EBF4: variants seen among roughly 807,000 people sequenced by gnomAD.
EBF4 encodes the protein EBF transcription factor 4.
In EBF4, 34 loss-of-function variants were observed where a neutral mutation model predicts 67.1. The ratio of observed to expected loss-of-function variants is 0.51; its 90% CI spans 0.39 to 0.67. EBF4 has a LOEUF of 0.67. Ranked by LOEUF, EBF4 falls within the 30% of genes least tolerant of loss-of-function variation. The pLI is 0.00. For synonymous variants in EBF4, 387 were observed against 377.7 expected (o/e 1.02, Z -0.29); for missense variants, 837 against 873.3 (o/e 0.96, Z 0.52).
rs2088229080 is a variant in EBF4 at position 2,755,608 on chromosome 20, TCCCCG to T, written c.1541-8_1541-4del. 1.0e-4 allele frequency: 58 copies of T among 558,950 alleles called. No homozygotes were observed. Among genetic ancestry groups the T allele is most frequent in the Non-Finnish European group, 1.7e-4 (53 of 317,346 alleles). 34.6% of individuals were successfully genotyped at this position (558,950 alleles called of 1,614,324 possible). A position where few individuals can be genotyped will look rare whatever the true frequency, so the allele number is the denominator to read the frequency against. On this transcript the variant is annotated splice_polypyrimidine_tract_variant and intron_variant, in intron 14 of 16. Transcript: ENST00000609451. This position sits in a 1 kb window ranked among gnomAD's most constrained non-coding sequence, Gnocchi z 4.7. ...CCACCTTCCCTGCTGCGCCTGCCCC[TCCCCG>T]CCCCGCCCCGGAGTCATGCCCTCTA...
intron 6 of EBF4, among the ~76,000 whole-genome samples, chr20:2,725,403 C>A (rs2146433183): frequency 6.6e-6 from 1 of 152,036 alleles, no homozygotes; most frequent in Admixed American, 6.5e-5. Context: ...TTATTTAGAT[C>A]TTTTGCAATA....
At chr20:2,709,584 G>T in exon 6 of EBF4, 1 of 1,555,884 alleles carries the variant, frequency 6.4e-7, no homozygotes, top group Non-Finnish European at 8.7e-7. Flanking sequence ...CCGGTGCTGT[G>T]ACCGGAAGAG....
rs934522504 is a variant in EBF4 at position 2,751,819 on chromosome 20, G to A, written c.1107+31G>A. ...CAGAGGGGCGGGGCGGGGCGGGGCTGAGGGTGTCCTGTGGGCAAGGGGGTG... is the reference window on the plus strand; with the variant it reads ...CAGAGGGGCGGGGCGGGGCGGGGCTAAGGGTGTCCTGTGGGCAAGGGGGTG... On this transcript the variant is annotated intron_variant, in intron 11 of 16. Coordinates refer to ENST00000609451, the Ensembl canonical transcript of EBF4. This position sits in a 1 kb window ranked among gnomAD's most constrained non-coding sequence, Gnocchi z 5.2. The A allele has an allele frequency of 1.9e-6, 3 of 1,548,760 alleles. No individual in the cohort carries two copies. The highest frequency in any genetic ancestry group is 2.7e-5 in the African/African-American group (2 of 72,980).
chr20:2,725,488 G>A (rs1372144937), intron 6 of EBF4, among the ~76,000 whole-genome samples: 2 of 152,036 alleles, frequency 1.3e-5, no homozygotes, highest in East Asian at 3.9e-4. Flanking sequence ...TAAATGTTTT[G>A]TAGTTATTTT....
intron 6 of EBF4, 139 bp from the exon 7 acceptor site, chr20:2,748,410 G>A (rs1348224690): frequency 2.6e-6 from 2 of 754,734 alleles, no homozygotes. Context: ...GGCCATGATG[G>A]GAATATGGGA....
Position 2,709,426 on chromosome 20 carries a change from G to A in EBF4, c.489-148G>A, listed in dbSNP as rs2146394214. On this transcript the variant is annotated intron_variant, in intron 5 of 16. Transcript: ENST00000609451. ...CCACAGCCTTTCTCCCCCAAGCCCT[G>A]GGAGTGAGCCCCTCCAGCCCAGGGA... 5 of 648,420 alleles carry A rather than the reference G, an allele frequency of 7.7e-6. No homozygotes were observed. The East Asian group carries it at 1.6e-4, about 21-fold the overall frequency. The allele number at this position is 648,420 out of a possible 1,614,324, so 40.2% of individuals were successfully genotyped here.
chr20:2,720,512 AT>A (rs2087666543), intron 6 of EBF4, among the ~76,000 whole-genome samples: 3 of 151,536 alleles, frequency 2.0e-5, no homozygotes, highest in Admixed American at 6.6e-5. Context: ...AAAACTCTAT[AT>A]TTTGTTATTT....
At chr20:2,731,672 C>T (rs2087815596) in intron 6 of EBF4, among the ~76,000 whole-genome samples, 1 of 152,216 alleles carries the variant, frequency 6.6e-6, no homozygotes, top group Admixed American at 6.5e-5. Context: ...CTTCTACTGT[C>T]CTTCTTCCTA....
At chr20:2,737,118 CGG>C (rs368306940) in intron 6 of EBF4, among the ~76,000 whole-genome samples, 1 of 151,738 alleles carries the variant, frequency 6.6e-6, no homozygotes, top group African/African-American at 2.4e-5. Flanking sequence ...GGCGTGGTGG[CGG>C]GCGCCTGTAG....
chr20:2,704,686 C>A (rs7275043), intron 1 of EBF4, among the ~76,000 whole-genome samples: 1 of 152,076 alleles, frequency 6.6e-6, no homozygotes, highest in African/African-American at 2.4e-5. Flanking sequence ...TTTGCTTCTC[C>A]AGTTTTTTTG....
chr20:2,712,180 G>A (rs1372277832), intron 6 of EBF4, among the ~76,000 whole-genome samples: 1 of 152,190 alleles, frequency 6.6e-6, no homozygotes, highest in South Asian at 2.1e-4. Flanking sequence ...GGGGTGTTGA[G>A]AATGATAAGA....
At chr20:2,697,523 T>G (rs774440405) in intron 1 of EBF4, among the ~76,000 whole-genome samples, 1 of 146,472 alleles carries the variant, frequency 6.8e-6, no homozygotes, top group Admixed American at 6.8e-5. Context: ...CCAGCCTGGG[T>G]GACAGAGCGA....
chr20:2,709,481 C>T lies in EBF4; in HGVS notation c.489-93C>T, dbSNP rs2087509218. The T allele has an allele frequency of 4.8e-6, 6 of 1,237,662 alleles. No individual in the cohort carries two copies. In the East Asian group the frequency reaches 1.4e-4, roughly 28 times the overall value. 76.7% of individuals were successfully genotyped at this position (1,237,662 alleles called of 1,614,324 possible). ...ACACCCAGAGACAGGACATCAGCAC[C>T]CTCAGCTCAGGGCGCCCCCCACAAC... On this transcript the variant is annotated intron_variant, in intron 5 of 16. Coordinates refer to ENST00000609451, the Ensembl canonical transcript of EBF4.
chr20:2,697,453 G>T (rs2087310267), intron 1 of EBF4, among the ~76,000 whole-genome samples: 1 of 151,962 alleles, frequency 6.6e-6, no homozygotes, highest in African/African-American at 2.4e-5. Context: ...GCTGAGGCAG[G>T]AGAATGGCGT....
At chr20:2,703,377 A>C (rs967877625) in intron 1 of EBF4, among the ~76,000 whole-genome samples, 1 of 151,960 alleles carries the variant, frequency 6.6e-6, no homozygotes, top group African/African-American at 2.4e-5. Context: ...TCAAGGTTGC[A>C]GTGAGCTATG....
intron 5 of EBF4, 70 bp downstream of exon 5, chr20:2,708,090 G>C: frequency 6.8e-7 from 1 of 1,476,156 alleles, no homozygotes; most frequent in African/African-American, 1.4e-5. Flanking sequence ...CCCAGGCCCT[G>C]CCCCCTCGCC....
intron 15 of EBF4, among the ~76,000 whole-genome samples, chr20:2,757,030 G>A (rs567174715): frequency 2.8e-4 from 43 of 152,334 alleles, no homozygotes; most frequent in African/African-American, 8.7e-4. Context: ...TGTAGGGGCT[G>A]ATCAGGCTGG....
chr20:2,719,865 T>A (rs1046607048), intron 6 of EBF4, among the ~76,000 whole-genome samples: 5 of 152,234 alleles, frequency 3.3e-5, no homozygotes, highest in African/African-American at 1.2e-4. Context: ...TTTATTCTGT[T>A]GTTATTGCGT....
At chr20:2,705,992 A>T in exon 3 of EBF4, 1 of 1,551,522 alleles carries the variant, frequency 6.4e-7, no homozygotes. Flanking sequence ...GGCGGAAAAG[A>T]CTAACAATGG....
Sources: gnomAD v4.1 joint callset for allele counts (sites outside exome capture counted in the v4.1 genomes callset) on GRCh38, gnomAD v4.1.1 for gene constraint, Gnocchi (gnomAD v3.1) non-coding constraint, MANE v1.5 for transcripts, NCBI Gene and HGNC (gene_info 2026-07-23, HGNC 2026-07-21) for gene names.